The following ADGRL2 variants were observed in gnomAD, a reference collection of about 807,000 sequenced individuals.
ADGRL2 encodes the protein adhesion G protein-coupled receptor L2.
ADGRL2 carries 44 observed loss-of-function variants against 157.4 expected under a neutral mutation model. The observed-to-expected ratio is 0.28, with a 90% CI of 0.22 to 0.36. The LOEUF is 0.36. Ranked by LOEUF, ADGRL2 falls within the 10% of genes least tolerant of loss-of-function variation. The probability of loss-of-function intolerance (pLI) is 1.00; values close to 1 mark genes in which losing one functional copy is unlikely to be tolerated. For missense variants in ADGRL2, 1,510 were observed against 1,768.9 expected (o/e 0.85, Z 2.63); for synonymous variants, 585 against 624.7 (o/e 0.94, Z 0.95).
At chr1:81,576,155 G>A (rs960361975) in intron 2 of ADGRL2, among the ~76,000 whole-genome samples, 6 of 151,880 alleles carry the variant, frequency 4.0e-5, no homozygotes, top group Admixed American at 3.9e-4. Context: ...AACATGAAGT[G>A]GTGGATGAGG....
At position 81,722,220 on chromosome 1, in the gene ADGRL2, G is replaced by A. The variant is rs377286763; in HGVS notation, c.-143+22412G>A. The A allele has an allele frequency of 2.6e-5, 10 of 379,380 alleles. No homozygotes were observed. The East Asian group carries it at 6.6e-4, about 25-fold the overall frequency. 23.5% of individuals were successfully genotyped at this position (379,380 alleles called of 1,614,324 possible). A position where few individuals can be genotyped will look rare whatever the true frequency, so the allele number is the denominator to read the frequency against. On this transcript the variant is annotated intron_variant, in intron 1 of 20. Transcript: ENST00000359929. ...AGGCAGGAGAATGGCATGAACCCGG[G>A]AGGCGGAGCTTGCAGTGAGCGGAGA...
intron 11 of ADGRL2, among the ~76,000 whole-genome samples, chr1:81,960,072 T>G (rs1225960877): frequency 6.6e-6 from 1 of 152,202 alleles, no homozygotes; most frequent in Non-Finnish European, 1.5e-5. Flanking sequence ...AGCGCTGGGA[T>G]TACAGGCATG....
chr1:81,537,475 G>C (rs1044366462), intron 2 of ADGRL2, among the ~76,000 whole-genome samples: 1 of 151,602 alleles, frequency 6.6e-6, no homozygotes, highest in Non-Finnish European at 1.5e-5. Flanking sequence ...TAGTAGAGGC[G>C]GGGTTTCTCC....
At chr1:81,980,690 G>C (rs1257986834) in intron 18 of ADGRL2, 1 of 506,558 alleles carries the variant, frequency 2.0e-6, no homozygotes, top group Non-Finnish European at 3.7e-6. Context: ...TTTTAGATAG[G>C]TTAGTGCCAG....
chr1:81,552,388 T>A (rs2080168205), intron 2 of ADGRL2, among the ~76,000 whole-genome samples: 1 of 152,106 alleles, frequency 6.6e-6, no homozygotes, highest in South Asian at 2.1e-4. Context: ...GGATGACCTC[T>A]CTTTCTTGCT....
At chr1:81,385,348 A>G (rs2076416907) in intron 1 of ADGRL2, among the ~76,000 whole-genome samples, 2 of 152,148 alleles carry the variant, frequency 1.3e-5, no homozygotes, top group South Asian at 2.1e-4. Context: ...AAGTTGTAAT[A>G]TATTCCAAAG....
chr1:81,848,012 G>A (rs700028), intron 2 of ADGRL2, among the ~76,000 whole-genome samples: 151,416 of 151,840 alleles, frequency 1, 75,501 homozygotes, highest in Middle Eastern at 1. Context: ...GGCTAAATAT[G>A]TTTTATCTGC....
At chr1:81,980,106 AC>A in intron 18 of ADGRL2, 146 bp downstream of exon 18, 1 of 570,538 alleles carries the variant, frequency 1.8e-6, no homozygotes, top group Non-Finnish European at 3.1e-6. Context: ...TCTCAGTGTT[AC>A]TATATCACTG....
intron 1 of ADGRL2, among the ~76,000 whole-genome samples, chr1:81,363,429 A>ACAATGTGTTCTAGTT (rs2076011911): frequency 6.6e-6 from 1 of 152,108 alleles, no homozygotes; most frequent in African/African-American, 2.4e-5. Flanking sequence ...CAATTAAAAA[A>ACAATGTGTTCTAGTT]AGAAACAATG....
intron 2 of ADGRL2, among the ~76,000 whole-genome samples, chr1:81,772,459 C>T (rs891315246): frequency 1.3e-5 from 2 of 151,376 alleles, no homozygotes; most frequent in East Asian, 2.0e-4. Flanking sequence ...CTGGGCACCA[C>T]GGCTCACACC....
At chr1:81,548,683 T>G (rs1335479119) in intron 2 of ADGRL2, among the ~76,000 whole-genome samples, 1 of 152,150 alleles carries the variant, frequency 6.6e-6, no homozygotes, top group African/African-American at 2.4e-5. Context: ...GGTTTTTATT[T>G]TTCCCCAAGG....
intron 1 of ADGRL2, among the ~76,000 whole-genome samples, chr1:81,395,133 A>G (rs1164822422): frequency 1.3e-5 from 2 of 151,508 alleles, no homozygotes; most frequent in Non-Finnish European, 2.9e-5. Context: ...CTGGTTTTGA[A>G]CTCCTGGCCT....
chr1:81,505,761 A>AC (rs2078960874), intron 2 of ADGRL2, among the ~76,000 whole-genome samples: 1 of 151,450 alleles, frequency 6.6e-6, no homozygotes, highest in African/African-American at 2.4e-5. Flanking sequence ...AAAAAAAAAA[A>AC]AATAGGAGGC....
At chr1:81,461,331 T>C (rs978127443) in intron 2 of ADGRL2, among the ~76,000 whole-genome samples, 7 of 152,110 alleles carry the variant, frequency 4.6e-5, no homozygotes, top group African/African-American at 1.7e-4. Flanking sequence ...ATTTTCATTA[T>C]CTTTTTCAAG....
intron 1 of ADGRL2, among the ~76,000 whole-genome samples, chr1:81,831,767 A>C (rs2091960389): frequency 6.6e-6 from 1 of 152,116 alleles, no homozygotes; most frequent in Admixed American, 6.5e-5. Context: ...AGTACAGTGT[A>C]ATCTCCCTGT....
intron 2 of ADGRL2, among the ~76,000 whole-genome samples, chr1:81,511,219 G>A (rs550416105): frequency 6.6e-6 from 1 of 151,736 alleles, no homozygotes; most frequent in African/African-American, 2.4e-5. Flanking sequence ...CGGTACCTTG[G>A]AGGATGTTGT....
At chr1:81,844,458 G>A (rs563909073) in intron 2 of ADGRL2, among the ~76,000 whole-genome samples, 1 of 152,264 alleles carries the variant, frequency 6.6e-6, no homozygotes, top group Admixed American at 6.5e-5. Context: ...CACATCTGAA[G>A]ACCACATCAG....
Position 81,746,096 on chromosome 1 carries a change from T to C in ADGRL2, c.-142-15715T>C, listed in dbSNP as rs1053452529. Among the ~76,000 whole-genome samples the C allele has an allele frequency of 7.2e-5, 11 of 152,298 alleles. No homozygotes were observed. In the East Asian group the frequency reaches 2.1e-3, roughly 29 times the overall value. The stretch of plus-strand genomic sequence containing the variant: ...CAGAGATATTTGTTTGTACATTCTA[T>C]TTATTTTGTGGAAAGTTTTCATTTT... On this transcript the variant is annotated intron_variant, in intron 1 of 20. Transcript: ENST00000359929.
At chr1:81,647,785 C>G (rs552262374) in intron 3 of ADGRL2, among the ~76,000 whole-genome samples, 1 of 152,160 alleles carries the variant, frequency 6.6e-6, no homozygotes, top group Non-Finnish European at 1.5e-5. Flanking sequence ...GTAGAACTGA[C>G]TAAACAGGAA....
Sources: gnomAD v4.1 joint callset for allele counts (sites outside exome capture counted in the v4.1 genomes callset) on GRCh38, gnomAD v4.1.1 for gene constraint, MANE v1.5 for transcripts, NCBI Gene and HGNC (gene_info 2026-07-23, HGNC 2026-07-21) for gene names.